Variants in PRDM7 observed in about 807,000 individuals in gnomAD.
The protein encoded by PRDM7 is histone-lysine N-methyltransferase PRDM7.
Under a neutral mutation model 64.3 loss-of-function variants are expected in PRDM7, and 52 were observed. That is an observed-to-expected ratio of 0.81 (90% CI 0.65 to 1.02). The LOEUF (loss-of-function observed/expected upper bound fraction) is 1.02, where lower values mean the gene tolerates loss of function less well. PRDM7 is among the 50% of genes least tolerant of loss of function. PRDM7 has a pLI of 0.00. For synonymous variants in PRDM7, 192 were observed against 210.1 expected (o/e 0.91, Z 0.74); for missense variants, 574 against 597.1 (o/e 0.96, Z 0.40).
chr16:90,074,276 C>G (rs1345797697), intron 4 of PRDM7, among the ~76,000 whole-genome samples: 1 of 91,236 alleles, frequency 1.1e-5, no homozygotes, highest in African/African-American at 3.9e-5. Flanking sequence ...TAGTAACAAT[C>G]ATCATCGTCA....
At chr16:90,070,391 G>A (rs1189352078) in intron 4 of PRDM7, among the ~76,000 whole-genome samples, 1 of 150,822 alleles carries the variant, frequency 6.6e-6, no homozygotes, top group East Asian at 1.9e-4. Context: ...CCAGGAGTTT[G>A]AGACCAGCCT....
rs368917504 is a variant in PRDM7, at chr16:90,062,085, G to A, written c.718C>T (p.Leu240Phe). The change falls in exon 8 of 11, where the codon CTC becomes TTC. Residue 240 changes from leucine to phenylalanine, a missense_variant. By Grantham distance (22) the Leu-to-Phe change is conservative. Coordinates refer to ENST00000449207, the MANE Select transcript of PRDM7 (RefSeq NM_001098173.2). ...ATTCTCAGCCCCGGGGGCAGACTGA[G>A]GGCTGAACGGTTGGGATGCCCCTTG... is the stretch of plus-strand genomic sequence containing the variant. Reference protein sequence around the residue: ...VDKGHPNRSALSLPPGLRIGP... With the variant: ...VDKGHPNRSAFSLPPGLRIGP... The A allele has an allele frequency of 1.2e-6, 2 of 1,614,254 alleles. No homozygotes were observed. The highest frequency in any genetic ancestry group is 1.7e-5 in the Admixed American group (1 of 60,030).
chr16:90,058,646 G>A (rs1378746096), intron 10 of PRDM7, 112 bp from the exon 11 acceptor site: 8 of 1,312,000 alleles, frequency 6.1e-6, no homozygotes, highest in Non-Finnish European at 8.8e-6. Context: ...AACAATGCAA[G>A]CTCTCTCCCA....
At chr16:90,065,090 C>T (rs1304933211) in intron 5 of PRDM7, among the ~76,000 whole-genome samples, 1 of 150,222 alleles carries the variant, frequency 6.7e-6, no homozygotes, top group Non-Finnish European at 1.5e-5. Context: ...CTACTTAATA[C>T]AGTATGAATG....
Position 90,057,944 on chromosome 16 carries a change from G to A in PRDM7, c.*345C>T, listed in dbSNP as rs2037708666. The A allele has an allele frequency of 6.3e-6, 10 of 1,594,958 alleles. No homozygotes were observed. The East Asian group carries it at 1.4e-4, about 22-fold the overall frequency. ...CCGCTCACACTCTCTGCAGACATAA[G>A]GCTTCTCCCCTGTGTGTGTCCTCTG... On this transcript the variant is annotated 3_prime_UTR_variant, in exon 11 of 11. Coordinates refer to ENST00000449207, the MANE Select transcript of PRDM7 (RefSeq NM_001098173.2).
In PRDM7 at chr16:90,058,180, G is replaced by T; in HGVS notation, c.*109C>A. On this transcript the variant is annotated 3_prime_UTR_variant, in exon 11 of 11. Transcript: ENST00000449207. ...GTTCCCTGGATTCACTTTCTGGCCT[G>T]TTCTGGACTCTTCTTCCATCATTCT... 1.2e-6 allele frequency: 2 copies of T among 1,614,174 alleles called. No homozygotes were observed. Among genetic ancestry groups the T allele is most frequent in the Non-Finnish European group, 1.7e-6 (2 of 1,180,026 alleles).
chr16:90,065,310 T>C (rs180735282), intron 5 of PRDM7, among the ~76,000 whole-genome samples: 6,627 of 133,686 alleles, frequency 0.05, 263 homozygotes, highest in East Asian at 0.15. Flanking sequence ...GGAGAACAAC[T>C]TGAACCCAGG....
chr16:90,075,273 T>A lies in PRDM7; in HGVS notation c.193+78A>T. 1.2e-6 allele frequency: 2 copies of A among 1,607,768 alleles called. No homozygotes were observed. Among genetic ancestry groups the A allele is most frequent in the South Asian group, 2.2e-5 (2 of 90,222 alleles). ...GGAATTGTGGGCAGATGCCGCCACC[T>A]GATAATTAAAATAATATAGGGACCA... On this transcript the variant is annotated intron_variant, in intron 3 of 10. Transcript: ENST00000449207. This position sits in a 1 kb window ranked among gnomAD's most constrained non-coding sequence, Gnocchi z 4.3.
chr16:90,074,453 T>C (rs1046128720), intron 4 of PRDM7, among the ~76,000 whole-genome samples: 3 of 151,320 alleles, frequency 2.0e-5, no homozygotes, highest in African/African-American at 2.4e-5. Context: ...GGTGCACATC[T>C]GCAGTCCCAG....
At chr16:90,076,973 G>A (rs1327300174) in intron 1 of PRDM7, among the ~76,000 whole-genome samples, 2 of 152,054 alleles carry the variant, frequency 1.3e-5, no homozygotes, top group African/African-American at 4.8e-5. Context: ...CTTAGGGTGA[G>A]GGAAATTGTG....
intron 4 of PRDM7, among the ~76,000 whole-genome samples, chr16:90,067,538 T>G (rs530227127): frequency 3.3e-5 from 5 of 150,200 alleles, no homozygotes; most frequent in Non-Finnish European, 7.4e-5. Flanking sequence ...CTGAACAAAC[T>G]AGGAATAGAA....
In PRDM7 at chr16:90,058,241, G is replaced by A. The variant is rs763984254; in HGVS notation, c.*48C>T. 35 of 1,613,974 alleles carry A rather than the reference G, an allele frequency of 2.2e-5. No individual in the cohort carries two copies. Among genetic ancestry groups the A allele is most frequent in the Non-Finnish European group, 3.0e-5 (35 of 1,180,014 alleles). On this transcript the variant is annotated 3_prime_UTR_variant, in exon 11 of 11. Transcript: ENST00000449207. The stretch of plus-strand genomic sequence containing the variant: ...CTAGAGCTCCCCATTTGTCCTTTGG[G>A]TGGGCTAGAAAAGGCCCTTGAAATC...
At chr16:90,059,858 T>C (rs28667468) in intron 10 of PRDM7, among the ~76,000 whole-genome samples, 15,216 of 152,282 alleles carry the variant, frequency 0.1, 1,033 homozygotes, top group African/African-American at 0.2. Context: ...ATTCACAAGT[T>C]ATCTGTTCAA....
intron 4 of PRDM7, among the ~76,000 whole-genome samples, chr16:90,074,440 A>G (rs112761277): frequency 0.029 from 4,335 of 150,748 alleles, 153 homozygotes; most frequent in African/African-American, 0.078. Context: ...AGCTGGGCAA[A>G]GTGGTGCACA....
At chr16:90,071,782 G>A (rs2037960319) in intron 4 of PRDM7, among the ~76,000 whole-genome samples, 1 of 152,206 alleles carries the variant, frequency 6.6e-6, no homozygotes, top group Non-Finnish European at 1.5e-5. Flanking sequence ...AACCATAGTA[G>A]TGGGAATGTA....
In PRDM7 at chr16:90,063,629, T is replaced by G. The variant is rs752194143; in HGVS notation, c.491A>C (p.His164Pro). 3.7e-6 allele frequency: 6 copies of G among 1,613,522 alleles called. No individual in the cohort carries two copies. The South Asian group carries it at 5.5e-5, about 15-fold the overall frequency. Residue 164 changes from histidine to proline, a missense_variant, in exon 6 of 11, where the codon CAC (histidine) becomes CCC (proline). Coordinates refer to ENST00000449207, the MANE Select transcript of PRDM7 (RefSeq NM_001098173.2). The part of the protein sequence containing the change: ...PPGEASTSGQ[H>P]SRLKLELRRK... ...TTTCTTACCCAGTTTTAGTCTAGAG[T>G]GCTGTCCAGAGGTACTTGCTTCTCC...
Position 90,075,772 on chromosome 16 carries a change from G to C in PRDM7, c.69+70C>G. On this transcript the variant is annotated intron_variant, in intron 2 of 10. Coordinates refer to ENST00000449207, the MANE Select transcript of PRDM7 (RefSeq NM_001098173.2). This position sits in a 1 kb window ranked among gnomAD's most constrained non-coding sequence, Gnocchi z 4.3. Reference sequence around the variant, plus strand: ...CAGACAGAGTCACCCAAGGGTACAGGCCAGGAGTCTGCAGCACTCCAGAGA... The same window carrying C: ...CAGACAGAGTCACCCAAGGGTACAGCCCAGGAGTCTGCAGCACTCCAGAGA... 6.4e-7 allele frequency: 1 copy of C among 1,551,850 alleles called. No homozygotes were observed. Among genetic ancestry groups the C allele is most frequent in the Non-Finnish European group, 8.8e-7 (1 of 1,132,990 alleles).
intron 5 of PRDM7, among the ~76,000 whole-genome samples, chr16:90,064,918 C>T (rs1356264917): frequency 6.7e-6 from 1 of 150,212 alleles, no homozygotes; most frequent in Non-Finnish European, 1.5e-5. Flanking sequence ...GGGGTTTCAC[C>T]ATGTTGGCCA....
At chr16:90,071,546 A>G (rs1026845807) in intron 4 of PRDM7, among the ~76,000 whole-genome samples, 18 of 152,342 alleles carry the variant, frequency 1.2e-4, no homozygotes, top group African/African-American at 4.1e-4. Context: ...ATGACATGGT[A>G]GAAGGGTAAG....
Sources: gnomAD v4.1 joint callset for allele counts (sites outside exome capture counted in the v4.1 genomes callset) on GRCh38, gnomAD v4.1.1 for gene constraint, Gnocchi (gnomAD v3.1) non-coding constraint, MANE v1.5 for transcripts, NCBI Gene and HGNC (gene_info 2026-07-23, HGNC 2026-07-21) for gene names.